Variants in PDE4D observed in about 807,000 individuals in gnomAD.
The protein encoded by PDE4D is 3',5'-cyclic-AMP phosphodiesterase 4D.
In PDE4D, 24 loss-of-function variants were observed where a neutral mutation model predicts 87.4. The observed-to-expected ratio is 0.27, with a 90% CI of 0.20 to 0.39. PDE4D has a LOEUF of 0.39. Among genes scored for constraint, PDE4D ranks in the 10% least tolerant of loss-of-function variants. The pLI is 1.00. For missense variants in PDE4D, 714 were observed against 1,041.0 expected (o/e 0.69, Z 4.32); for synonymous variants, 384 against 383.2 (o/e 1.00, Z -0.02).
chr5:59,651,584 AATAATT>A (rs1743514410), intron 1 of PDE4D, among the ~76,000 whole-genome samples: 1 of 152,058 alleles, frequency 6.6e-6, no homozygotes, highest in Non-Finnish European at 1.5e-5. Flanking sequence ...GGAAAATATT[AATAATT>A]ATAATTGTTG....
chr5:59,706,914 A>G (rs1048878113), intron 1 of PDE4D, among the ~76,000 whole-genome samples: 17 of 152,210 alleles, frequency 1.1e-4, no homozygotes, highest in African/African-American at 4.1e-4. Flanking sequence ...ATTGCTTTTT[A>G]TTATGGACAA....
At chr5:60,361,956 C>G (rs1760116645) in intron 1 of PDE4D, among the ~76,000 whole-genome samples, 1 of 152,212 alleles carries the variant, frequency 6.6e-6, no homozygotes, top group African/African-American at 2.4e-5. Context: ...CCCAGACTCA[C>G]AGTTACTGAT....
chr5:59,841,543 T>C (rs143812003), intron 1 of PDE4D, among the ~76,000 whole-genome samples: 1 of 152,204 alleles, frequency 6.6e-6, no homozygotes, highest in East Asian at 1.9e-4. Flanking sequence ...GCCTACTGTG[T>C]TCCAGTCACA....
intron 2 of PDE4D, among the ~76,000 whole-genome samples, chr5:60,173,057 T>C (rs758948628): frequency 1.3e-5 from 2 of 152,108 alleles, no homozygotes; most frequent in Non-Finnish European, 2.9e-5. Flanking sequence ...ACTGTGAGGA[T>C]AGCTATAAAT....
chr5:60,185,203 A>G (rs1784686506), intron 2 of PDE4D, among the ~76,000 whole-genome samples: 1 of 152,184 alleles, frequency 6.6e-6, no homozygotes, highest in South Asian at 2.1e-4. Context: ...TTATGCTTTT[A>G]GACTTGCCCA....
intron 1 of PDE4D, among the ~76,000 whole-genome samples, chr5:60,515,356 T>C (rs1466156749): frequency 1.3e-5 from 2 of 152,146 alleles, no homozygotes; most frequent in Non-Finnish European, 2.9e-5. Context: ...GGAGAACTGA[T>C]GTCATTATAA....
chr5:59,250,437 G>A (rs761184600), intron 1 of PDE4D, among the ~76,000 whole-genome samples: 7 of 150,422 alleles, frequency 4.7e-5, no homozygotes, highest in Non-Finnish European at 1.0e-4. Flanking sequence ...AAGCTGCAAT[G>A]AGCTGTGATT....
intron 1 of PDE4D, chr5:59,356,936 A>G: frequency 7.1e-7 from 1 of 1,403,108 alleles, no homozygotes; most frequent in Non-Finnish European, 9.2e-7. Context: ...ACGGAGCAGG[A>G]GGCACTTGTA....
At chr5:60,424,599 A>G (rs1443507514) in intron 1 of PDE4D, among the ~76,000 whole-genome samples, 1 of 152,216 alleles carries the variant, frequency 6.6e-6, no homozygotes, top group Non-Finnish European at 1.5e-5. Flanking sequence ...AAAAACTAGA[A>G]GCATTCCCTT....
chr5:59,306,719 C>T (rs1309139759), intron 1 of PDE4D, among the ~76,000 whole-genome samples: 1 of 148,738 alleles, frequency 6.7e-6, no homozygotes, highest in African/African-American at 2.5e-5. Flanking sequence ...AGGATACAAA[C>T]AAATGGAAGA....
At chr5:59,905,731 A>T (rs902773153) in intron 3 of PDE4D, among the ~76,000 whole-genome samples, 1 of 152,184 alleles carries the variant, frequency 6.6e-6, no homozygotes, top group African/African-American at 2.4e-5. Flanking sequence ...ACCTAAGTAT[A>T]CACGCATATA....
chr5:59,131,563 G>A (rs571281149), intron 5 of PDE4D, among the ~76,000 whole-genome samples: 1 of 142,464 alleles, frequency 7.0e-6, no homozygotes, highest in South Asian at 2.2e-4. Flanking sequence ...ACTGGCCCTT[G>A]GTTAAATTTA....
chr5:59,882,348 G>T (rs1405479863), intron 1 of PDE4D, among the ~76,000 whole-genome samples: 1 of 152,102 alleles, frequency 6.6e-6, no homozygotes, highest in Non-Finnish European at 1.5e-5. Context: ...TGGTGGGAAT[G>T]ATTGAGTGGT....
chr5:60,303,307 C>CTT (rs879522679), intron 1 of PDE4D, among the ~76,000 whole-genome samples: 4,843 of 127,744 alleles, frequency 0.038, 374 homozygotes, highest in African/African-American at 0.14. Flanking sequence ...ATCTGGATTT[C>CTT]TTTTTTTTTT....
intron 2 of PDE4D, among the ~76,000 whole-genome samples, chr5:60,056,222 A>G (rs1309549481): frequency 6.6e-6 from 1 of 152,084 alleles, no homozygotes; most frequent in Non-Finnish European, 1.5e-5. Context: ...AACCCATCGC[A>G]GCATTTTCTA....
intron 1 of PDE4D, among the ~76,000 whole-genome samples, chr5:60,300,077 T>G (rs141325308): frequency 1.3e-5 from 2 of 152,326 alleles, no homozygotes; most frequent in East Asian, 3.9e-4. Flanking sequence ...TTTTTTATTC[T>G]TAATCACAGC....
chr5:60,468,085 G>A (rs999075715), intron 1 of PDE4D, among the ~76,000 whole-genome samples: 19 of 150,984 alleles, frequency 1.3e-4, no homozygotes, highest in African/African-American at 4.4e-4. Flanking sequence ...CTCCCTCACT[G>A]GACAGTCCCC....
chr5:59,091,913 T>C (rs1246120779), intron 5 of PDE4D, among the ~76,000 whole-genome samples: 1 of 152,136 alleles, frequency 6.6e-6, no homozygotes, highest in East Asian at 1.9e-4. Flanking sequence ...AATCACCAGG[T>C]GTGTATAACA....
intron 3 of PDE4D, among the ~76,000 whole-genome samples, chr5:59,941,212 A>G (rs1318496983): frequency 6.6e-6 from 1 of 152,162 alleles, no homozygotes; most frequent in Non-Finnish European, 1.5e-5. Context: ...GTATGTCCAC[A>G]GACAGCCCAG....
Sources: allele counts gnomAD v4.1 joint callset (sites outside exome capture counted in the v4.1 genomes callset), GRCh38; gene constraint gnomAD v4.1.1; transcripts MANE v1.5; gene names NCBI Gene and HGNC (gene_info 2026-07-23, HGNC 2026-07-21).